The following DPYD variants were observed in gnomAD, a reference collection of about 807,000 sequenced individuals.
DPYD encodes the protein dihydropyrimidine dehydrogenase, also known as dihydropyrimidine dehydrogenase [NADP(+)].
DPYD carries 109 observed loss-of-function variants against 116.2 expected under a neutral mutation model. That is an observed-to-expected ratio of 0.94 (90% CI 0.80 to 1.10). The LOEUF is 1.10. Among genes scored for constraint, DPYD ranks in the 50% least tolerant of loss-of-function variants. The probability of loss-of-function intolerance (pLI) is 0.00; values close to 1 mark genes in which losing one functional copy is unlikely to be tolerated. For missense variants in DPYD, 1,302 were observed against 1,254.5 expected, an observed-to-expected ratio of 1.04 and a Z score of -0.57; for synonymous variants, 440 against 432.0, an observed-to-expected ratio of 1.02 and a Z score of -0.23.
chr1:97,581,225 G>C (rs1653641688), intron 10 of DPYD, among the ~76,000 whole-genome samples: 1 of 150,592 alleles, frequency 6.6e-6, no homozygotes, highest in Non-Finnish European at 1.5e-5. Context: ...TACTCAGGAT[G>C]CTGAGGCAGG....
Position 97,235,097 on chromosome 1 carries a change from A to T in DPYD, c.2300-103T>A, listed in dbSNP as rs1350880978. The T allele has an allele frequency of 4.4e-6, 6 of 1,357,986 alleles. No individual in the cohort carries two copies. The African/African-American group carries it at 5.7e-5, about 13-fold the overall frequency. 84.1% of individuals were successfully genotyped at this position (1,357,986 alleles called of 1,614,324 possible). On this transcript the variant is annotated intron_variant, in intron 18 of 22. Coordinates refer to ENST00000370192, the MANE Select transcript of DPYD (RefSeq NM_000110.4). The stretch of plus-strand genomic sequence containing the variant: ...GATGTGATGACAGCGTCACTGGACA[A>T]ATTTCAAATTACTTTATCTCTGTTT...
At chr1:97,868,180 T>C (rs551531588) in intron 2 of DPYD, among the ~76,000 whole-genome samples, 1 of 151,838 alleles carries the variant, frequency 6.6e-6, no homozygotes, top group African/African-American at 2.4e-5. Context: ...AAACTATTTA[T>C]ATCATGAAAA....
At chr1:97,829,040 T>G (rs1669392060) in intron 2 of DPYD, among the ~76,000 whole-genome samples, 1 of 151,896 alleles carries the variant, frequency 6.6e-6, no homozygotes, top group African/African-American at 2.4e-5. Flanking sequence ...TTGTAGAAAT[T>G]TTCAATTTAT....
chr1:97,726,848 G>A (rs1055019426), intron 4 of DPYD, among the ~76,000 whole-genome samples: 1 of 151,506 alleles, frequency 6.6e-6, no homozygotes, highest in East Asian at 1.9e-4. Context: ...AAAGAGACAC[G>A]TTTGAAAAAT....
chr1:97,570,717 CTT>C (rs557953770), intron 11 of DPYD, among the ~76,000 whole-genome samples: 105 of 145,640 alleles, frequency 7.2e-4, no homozygotes, highest in Non-Finnish European at 1.4e-3. Context: ...ATAAGGTGAA[CTT>C]TTTTTTTTTT....
intron 20 of DPYD, among the ~76,000 whole-genome samples, chr1:97,124,272 C>T (rs1394010674): frequency 6.6e-6 from 1 of 151,914 alleles, no homozygotes; most frequent in Non-Finnish European, 1.5e-5. Flanking sequence ...ATTAGTTTGA[C>T]CAGACAGATT....
At chr1:97,651,719 T>C (rs1184590357) in intron 8 of DPYD, among the ~76,000 whole-genome samples, 1 of 152,168 alleles carries the variant, frequency 6.6e-6, no homozygotes, top group Non-Finnish European at 1.5e-5. Context: ...CAATATGCTT[T>C]ATCAGGAGCT....
intron 19 of DPYD, among the ~76,000 whole-genome samples, chr1:97,230,425 C>T (rs1033669040): frequency 2.0e-5 from 3 of 151,950 alleles, no homozygotes; most frequent in African/African-American, 7.3e-5. Flanking sequence ...GAAGTGGAAA[C>T]TAAATTATGA....
intron 20 of DPYD, among the ~76,000 whole-genome samples, chr1:97,154,768 G>A (rs934224014): frequency 4.0e-5 from 6 of 151,730 alleles, no homozygotes; most frequent in African/African-American, 1.2e-4. Context: ...AGGGGGGTGA[G>A]GGATAAATGA....
At chr1:97,494,977 G>C (rs1282700205) in intron 13 of DPYD, among the ~76,000 whole-genome samples, 1 of 152,090 alleles carries the variant, frequency 6.6e-6, no homozygotes, top group Non-Finnish European at 1.5e-5. Context: ...GCACCCTCAG[G>C]CAGTTTTACC....
At chr1:97,209,585 A>C (rs139799771) in intron 19 of DPYD, among the ~76,000 whole-genome samples, 2 of 152,254 alleles carry the variant, frequency 1.3e-5, no homozygotes, top group Non-Finnish European at 2.9e-5. Context: ...TTTTAGGCTC[A>C]ATGATGAGTC....
At chr1:97,602,243 T>C (rs1365527037) in intron 8 of DPYD, among the ~76,000 whole-genome samples, 1 of 151,962 alleles carries the variant, frequency 6.6e-6, no homozygotes, top group Non-Finnish European at 1.5e-5. Flanking sequence ...GAGAATAAAA[T>C]AATCAAATAA....
chr1:97,806,210 A>G (rs940279712), intron 3 of DPYD, among the ~76,000 whole-genome samples: 13 of 151,972 alleles, frequency 8.6e-5, no homozygotes, highest in Non-Finnish European at 1.6e-4. Context: ...GTTTCAAAAT[A>G]TAATCTTACA....
chr1:97,769,691 T>G (rs1343439379), intron 3 of DPYD, among the ~76,000 whole-genome samples: 1 of 152,194 alleles, frequency 6.6e-6, no homozygotes, highest in Non-Finnish European at 1.5e-5. Flanking sequence ...ATTAGCTGCT[T>G]ATTCTACCTG....
chr1:97,707,964 T>G (rs2100994521), intron 5 of DPYD, among the ~76,000 whole-genome samples: 1 of 152,242 alleles, frequency 6.6e-6, no homozygotes, highest in Middle Eastern at 3.4e-3. Flanking sequence ...CTTTTCATTT[T>G]CTTTCAAGAC....
At chr1:97,847,296 T>G (rs970185304) in intron 2 of DPYD, among the ~76,000 whole-genome samples, 2 of 152,212 alleles carry the variant, frequency 1.3e-5, no homozygotes. Context: ...ATTTACATAA[T>G]TTCTTAAATA....
chr1:97,381,738 T>C (rs1671981573), intron 15 of DPYD, among the ~76,000 whole-genome samples: 1 of 152,186 alleles, frequency 6.6e-6, no homozygotes, highest in Admixed American at 6.6e-5. Flanking sequence ...GCTAAGACTC[T>C]CCAGACTATT....
chr1:97,126,776 A>C (rs965365463), intron 20 of DPYD, among the ~76,000 whole-genome samples: 4 of 152,170 alleles, frequency 2.6e-5, no homozygotes, highest in Admixed American at 2.0e-4. Flanking sequence ...ATGGTAGCTA[A>C]AACTTCATTT....
chr1:97,522,911 A>C (rs932721784), intron 12 of DPYD, among the ~76,000 whole-genome samples: 15 of 152,158 alleles, frequency 9.9e-5, no homozygotes, highest in Admixed American at 3.9e-4. Context: ...TTTTTAATAC[A>C]AAATGCTTTT....
Sources: gnomAD v4.1 joint callset for allele counts (sites outside exome capture counted in the v4.1 genomes callset) on GRCh38, gnomAD v4.1.1 for gene constraint, MANE v1.5 for transcripts, NCBI Gene and HGNC (gene_info 2026-07-23, HGNC 2026-07-21) for gene names.